TNFRSF10B: variants seen among roughly 807,000 people sequenced by gnomAD.
TNFRSF10B encodes TNF receptor superfamily member 10b, also known as tumor necrosis factor receptor superfamily member 10B.
A neutral mutation model predicts 41.4 loss-of-function variants in TNFRSF10B; 35 were observed. The observed-to-expected ratio is 0.85, with a 90% CI of 0.65 to 1.12. The LOEUF (loss-of-function observed/expected upper bound fraction) is 1.12, where lower values mean the gene tolerates loss of function less well. Ranked by LOEUF, TNFRSF10B falls within the 50% of genes most tolerant of loss-of-function variation. TNFRSF10B has a pLI of 0.00. For synonymous variants in TNFRSF10B, 230 were observed against 215.5 expected (o/e 1.07, Z -0.59); for missense variants, 584 against 552.7 (o/e 1.06, Z -0.57).
At chr8:23,045,312 T>C (rs1240983835) in intron 1 of TNFRSF10B, among the ~76,000 whole-genome samples, 1 of 152,052 alleles carries the variant, frequency 6.6e-6, no homozygotes, top group Non-Finnish European at 1.5e-5. Flanking sequence ...AACAATTATA[T>C]GCCAAAGGAT....
intron 2 of TNFRSF10B, chr8:23,042,867 A>G (rs1812246234): frequency 2.7e-6 from 1 of 374,552 alleles, no homozygotes; most frequent in Non-Finnish European, 4.9e-6. Context: ...ATGTCAGCCC[A>G]AAGTCACCAT....
chr8:23,061,684 T>C (rs1371328409), intron 1 of TNFRSF10B, among the ~76,000 whole-genome samples: 1 of 152,206 alleles, frequency 6.6e-6, no homozygotes, highest in African/African-American at 2.4e-5. Flanking sequence ...CTTACATGGC[T>C]TTTATGATGT....
At chr8:23,052,002 G>T (rs1199086057) in intron 1 of TNFRSF10B, among the ~76,000 whole-genome samples, 1 of 152,170 alleles carries the variant, frequency 6.6e-6, no homozygotes, top group Non-Finnish European at 1.5e-5. Context: ...GGAAGATGGA[G>T]TCAGTTAGGT....
chr8:23,033,833 G>A (rs547128309), intron 2 of TNFRSF10B, among the ~76,000 whole-genome samples: 2 of 152,146 alleles, frequency 1.3e-5, no homozygotes, highest in African/African-American at 4.8e-5. Flanking sequence ...GAGCAAGCGA[G>A]AGAGAGCAAG....
chr8:23,025,812 A>C (rs1383187033), intron 7 of TNFRSF10B, among the ~76,000 whole-genome samples: 1 of 152,240 alleles, frequency 6.6e-6, no homozygotes, highest in Non-Finnish European at 1.5e-5. Flanking sequence ...ATGGTGGCTC[A>C]TGCTTGTAAT....
At chr8:23,025,171 T>C (rs1811665981) in intron 7 of TNFRSF10B, among the ~76,000 whole-genome samples, 1 of 151,828 alleles carries the variant, frequency 6.6e-6, no homozygotes, top group Admixed American at 6.6e-5. Context: ...AAAAGAAAAG[T>C]AGCAGCAGAC....
chr8:23,050,203 C>T (rs1174928140), intron 1 of TNFRSF10B, among the ~76,000 whole-genome samples: 2 of 152,224 alleles, frequency 1.3e-5, no homozygotes, highest in Non-Finnish European at 2.9e-5. Context: ...CCCACTTTCC[C>T]TTTGGTTGAT....
At chr8:23,052,090 T>C (rs1812536447) in intron 1 of TNFRSF10B, among the ~76,000 whole-genome samples, 1 of 152,190 alleles carries the variant, frequency 6.6e-6, no homozygotes, top group African/African-American at 2.4e-5. Flanking sequence ...GCAGTTTTCA[T>C]ATATAATCTG....
At chr8:23,024,799 C>T (rs1033694835) in intron 7 of TNFRSF10B, among the ~76,000 whole-genome samples, 1 of 151,960 alleles carries the variant, frequency 6.6e-6, no homozygotes, top group Non-Finnish European at 1.5e-5. Flanking sequence ...TCCCAAAGTG[C>T]TGGGATTACA....
intron 7 of TNFRSF10B, 105 bp from the exon 8 acceptor site, chr8:23,024,365 A>C: frequency 7.9e-7 from 1 of 1,270,056 alleles, no homozygotes. Flanking sequence ...CGTCACTTCC[A>C]GAACATTGTT....
chr8:23,058,309 C>T (rs1017307920), intron 1 of TNFRSF10B, among the ~76,000 whole-genome samples: 5 of 152,136 alleles, frequency 3.3e-5, no homozygotes, highest in Non-Finnish European at 7.4e-5. Flanking sequence ...ATCCTTCTAA[C>T]CATATCTACC....
chr8:23,066,897 C>T (rs866159018), intron 1 of TNFRSF10B, among the ~76,000 whole-genome samples: 1 of 147,442 alleles, frequency 6.8e-6, no homozygotes, highest in Non-Finnish European at 1.5e-5. Flanking sequence ...GACTCCATCT[C>T]AAAACAAACA....
chr8:23,040,370 AAT>A lies in TNFRSF10B; in HGVS notation c.250+2766_250+2767del, dbSNP rs373915654. 5.1e-3 allele frequency among the ~76,000 whole-genome samples: 78 copies of A among 15,400 alleles called. 9 individuals are homozygous for A. Among genetic ancestry groups the A allele is most frequent in the African/African-American group, 6.8e-3 (50 of 7,382 alleles). 10.1% of individuals were successfully genotyped at this position (15,400 alleles called of 152,430 possible). A position where few individuals can be genotyped will look rare whatever the true frequency, so the allele number is the denominator to read the frequency against. ...ATATATACAAAATATATATTTAATA[AAT>A]ATATATACAAAATATATATTTATTA... is the stretch of plus-strand genomic sequence containing the variant. On this transcript the variant is annotated intron_variant, in intron 2 of 8. Coordinates refer to ENST00000276431, the MANE Select transcript of TNFRSF10B (RefSeq NM_003842.5).
chr8:23,040,452 A>ATTATATATGTACAAAATATGTAT (rs748610671), intron 2 of TNFRSF10B, among the ~76,000 whole-genome samples: 996 of 88,350 alleles, frequency 0.011, 393 homozygotes, highest in Non-Finnish European at 0.019. Context: ...ATATATATTT[A>ATTATATATGTACAAAATATGTAT]TTAAATATAT....
intron 2 of TNFRSF10B, among the ~76,000 whole-genome samples, chr8:23,031,935 G>C (rs1194089844): frequency 7.3e-6 from 1 of 137,424 alleles, no homozygotes; most frequent in Non-Finnish European, 1.5e-5. Context: ...TTTTTGAGAC[G>C]GAGTCTTGCT....
intron 1 of TNFRSF10B, among the ~76,000 whole-genome samples, chr8:23,053,931 G>C (rs1812591980): frequency 6.6e-6 from 1 of 152,144 alleles, no homozygotes; most frequent in African/African-American, 2.4e-5. Flanking sequence ...ATATATCTTA[G>C]TGTATGTTAT....
At chr8:23,055,721 A>G (rs1563322192) in intron 1 of TNFRSF10B, among the ~76,000 whole-genome samples, 1 of 152,108 alleles carries the variant, frequency 6.6e-6, no homozygotes, top group Admixed American at 6.6e-5. Flanking sequence ...AAACAAGGGT[A>G]TTGGAGGTTT....
At chr8:23,042,609 C>G (rs939517581) in intron 2 of TNFRSF10B, among the ~76,000 whole-genome samples, 4 of 152,210 alleles carry the variant, frequency 2.6e-5, no homozygotes, top group African/African-American at 9.6e-5. Context: ...AGATGTACAT[C>G]CGATGCTGGT....
chr8:23,048,624 A>G (rs1274622683), intron 1 of TNFRSF10B, among the ~76,000 whole-genome samples: 2 of 152,322 alleles, frequency 1.3e-5, no homozygotes, highest in East Asian at 1.9e-4. Flanking sequence ...CATATTGTAC[A>G]TTTCAAAATT....
Sources: allele counts gnomAD v4.1 joint callset (sites outside exome capture counted in the v4.1 genomes callset), GRCh38; gene constraint gnomAD v4.1.1; transcripts MANE v1.5; gene names NCBI Gene and HGNC (gene_info 2026-07-23, HGNC 2026-07-21).